GPD2: variants seen among roughly 807,000 people sequenced by gnomAD.
GPD2 encodes glycerol-3-phosphate dehydrogenase, mitochondrial.
A neutral mutation model predicts 82.4 loss-of-function variants in GPD2; 54 were observed. The ratio of observed to expected loss-of-function variants is 0.66; its 90% CI spans 0.53 to 0.82. GPD2 has a LOEUF of 0.82. Among genes scored for constraint, GPD2 ranks in the 40% least tolerant of loss-of-function variants. GPD2 has a pLI of 0.00. For missense variants in GPD2, 748 were observed against 896.2 expected (o/e 0.83, Z 2.11); for synonymous variants, 288 against 306.1 (o/e 0.94, Z 0.62).
intron 1 of GPD2, among the ~76,000 whole-genome samples, chr2:156,441,891 A>T (rs1682187205): frequency 2.0e-5 from 3 of 152,332 alleles, no homozygotes; most frequent in Middle Eastern, 6.8e-3. Context: ...GACTAGAGGA[A>T]TAAGTTTTCT....
intron 8 of GPD2, among the ~76,000 whole-genome samples, chr2:156,555,011 T>C (rs1686908013): frequency 6.6e-6 from 1 of 152,248 alleles, no homozygotes; most frequent in Non-Finnish European, 1.5e-5. Flanking sequence ...ACCTATGCCT[T>C]GTTGCATTGC....
intron 3 of GPD2, among the ~76,000 whole-genome samples, chr2:156,505,488 A>T (rs910780866): frequency 6.6e-6 from 1 of 152,210 alleles, no homozygotes; most frequent in Admixed American, 6.5e-5. Flanking sequence ...ATCTTAATAG[A>T]GATACAGCTT....
intron 1 of GPD2, among the ~76,000 whole-genome samples, chr2:156,452,448 C>A (rs1043638671): frequency 6.6e-6 from 1 of 152,218 alleles, no homozygotes; most frequent in African/African-American, 2.4e-5. Context: ...CAGGCTGAGG[C>A]AGGAGAATCA....
At chr2:156,426,374 G>A in the GPD2 span, among the ~76,000 whole-genome samples, 10 of 152,236 alleles carry the variant, frequency 6.6e-5, no homozygotes, top group Non-Finnish European at 2.9e-5. Context: ...CCCAGCAAAG[G>A]GGTAAGAGTC....
At position 156,496,044 on chromosome 2, in the gene GPD2, A is replaced by T; in HGVS notation, c.103A>T (p.Met35Leu). 1.2e-6 allele frequency: 2 copies of T among 1,610,586 alleles called. No individual in the cohort carries two copies. Among genetic ancestry groups the T allele is most frequent in the Non-Finnish European group, 1.7e-6 (2 of 1,177,432 alleles). Residue 35 changes from methionine to leucine, a missense_variant and splice_region_variant, in exon 3 of 17, where the codon ATG becomes TTG. Met to Leu is a conservative substitution (Grantham distance 15, BLOSUM62 2). Around this residue, in one of 3 missense-constraint regions of GPD2, gnomAD observed 692 missense variants for 809.7 expected, o/e 0.85. Coordinates refer to ENST00000438166, the MANE Select transcript of GPD2 (RefSeq NM_000408.5). The part of the protein sequence containing the change: ...SQFAHYRRKQ[M>L]NLAYVKAADC... ...TGAAAGTGATCTGCTTTTACATCAG[A>T]TGAACCTGGCCTATGTTAAAGCAGC...
chr2:156,569,998 C>G lies in GPD2; in HGVS notation c.1477-89C>G, dbSNP rs548074553. 505 of 1,159,610 alleles carry G rather than the reference C, an allele frequency of 4.4e-4. 1 individual carries two copies. The highest frequency in any genetic ancestry group is 6.0e-4 in the Non-Finnish European group (461 of 772,714). 71.8% of individuals were successfully genotyped at this position (1,159,610 alleles called of 1,614,324 possible). ...CTATTAGTTACAGGCTGTAAGAAAA[C>G]TGACAAGATAAGCATGTGTGCTTTT... is the stretch of plus-strand genomic sequence containing the variant. On this transcript the variant is annotated intron_variant, in intron 11 of 16. Transcript: ENST00000438166.
At chr2:156,511,894 ATAT>A (rs997807077) in intron 4 of GPD2, among the ~76,000 whole-genome samples, 1 of 152,192 alleles carries the variant, frequency 6.6e-6, no homozygotes. Flanking sequence ...CACAGAAAAA[ATAT>A]TATGGGGAAC....
At chr2:156,556,878 A>G (rs184688211) in intron 8 of GPD2, among the ~76,000 whole-genome samples, 41 of 152,326 alleles carry the variant, frequency 2.7e-4, no homozygotes, top group African/African-American at 9.6e-4. Flanking sequence ...TTGTGATTAC[A>G]TTTTAGTTTC....
At chr2:156,431,947 C>T (rs1024117476), upstream of GPD2, among the ~76,000 whole-genome samples, 10 of 137,018 alleles carry the variant, frequency 7.3e-5, no homozygotes, top group Non-Finnish European at 1.4e-4. Context: ...AGTGCAATGG[C>T]GCAATCTCAG....
intron 1 of GPD2, among the ~76,000 whole-genome samples, chr2:156,439,272 A>G (rs1682057768): frequency 6.6e-6 from 1 of 151,956 alleles, no homozygotes. Context: ...CCTTTAACAC[A>G]CTTGCTTAAA....
chr2:156,514,129 C>CTTTTTTTTTTTTTTTT (rs5835618), intron 6 of GPD2, among the ~76,000 whole-genome samples: 1 of 141,722 alleles, frequency 7.1e-6, no homozygotes, highest in Non-Finnish European at 1.6e-5. Flanking sequence ...AATGTTCATT[C>CTTTTTTTTTTTTTTTT]TTTTTTTTTT....
intron 2 of GPD2, among the ~76,000 whole-genome samples, chr2:156,490,631 A>C (rs907035044): frequency 6.6e-6 from 1 of 152,144 alleles, no homozygotes; most frequent in Admixed American, 6.5e-5. Context: ...GTGGTGTCAG[A>C]GTGGTATAGT....
At chr2:156,428,080 C>A in the GPD2 span, among the ~76,000 whole-genome samples, 5 of 152,302 alleles carry the variant, frequency 3.3e-5, no homozygotes, top group African/African-American at 1.2e-4. Flanking sequence ...ATCTCCAACT[C>A]CCCCACTTCT....
intron 1 of GPD2, among the ~76,000 whole-genome samples, chr2:156,443,418 T>A (rs2105141837): frequency 6.6e-6 from 1 of 152,298 alleles, no homozygotes; most frequent in African/African-American, 2.4e-5. Context: ...GGTTGCCCCA[T>A]AATTCAGTCA....
At chr2:156,434,054 T>C (rs1386172957), upstream of GPD2, among the ~76,000 whole-genome samples, 1 of 152,206 alleles carries the variant, frequency 6.6e-6, no homozygotes, top group Non-Finnish European at 1.5e-5. Flanking sequence ...AAAAAAGAAC[T>C]GAGGCATACT....
intron 16 of GPD2, among the ~76,000 whole-genome samples, chr2:156,582,317 G>A (rs992100109): frequency 8.6e-5 from 13 of 151,718 alleles, no homozygotes; most frequent in Non-Finnish European, 1.3e-4. Context: ...TGTAAATTAC[G>A]TTAAAAAGTC....
chr2:156,495,713 C>A, intron 2 of GPD2: 1 of 391,846 alleles, frequency 2.6e-6, no homozygotes. Context: ...TCCTTATGTT[C>A]CCTTATAAAT....
intron 1 of GPD2, among the ~76,000 whole-genome samples, chr2:156,452,177 T>C (rs963172522): frequency 6.6e-6 from 1 of 152,180 alleles, no homozygotes; most frequent in Non-Finnish European, 1.5e-5. Context: ...GCTGCACTCC[T>C]GGCACTTTGG....
At chr2:156,516,628 A>G (rs1487294095) in intron 6 of GPD2, among the ~76,000 whole-genome samples, 1 of 152,174 alleles carries the variant, frequency 6.6e-6, no homozygotes, top group Non-Finnish European at 1.5e-5. Context: ...TACTTTTGCT[A>G]GAGACAAGGT....
Sources: allele counts gnomAD v4.1 joint callset (sites outside exome capture counted in the v4.1 genomes callset), GRCh38; gene constraint gnomAD v4.1.1; regional missense constraint gnomAD v4.1.1; transcripts MANE v1.5; gene names NCBI Gene and HGNC (gene_info 2026-07-23, HGNC 2026-07-21).